ADGRD1: variants seen among roughly 807,000 people sequenced by gnomAD.
ADGRD1 encodes adhesion G protein-coupled receptor D1.
In ADGRD1, 77 loss-of-function variants were observed where a neutral mutation model predicts 113.4. That is an observed-to-expected ratio of 0.68 (90% CI 0.57 to 0.82). The LOEUF (loss-of-function observed/expected upper bound fraction) is 0.82. Ranked by LOEUF, ADGRD1 falls within the 40% of genes least tolerant of loss-of-function variation. ADGRD1 has a pLI of 0.00. For synonymous variants in ADGRD1, 474 were observed against 475.0 expected (o/e 1.00, Z 0.03); for missense variants, 1,036 against 1,139.1 (o/e 0.91, Z 1.30).
chr12:130,958,814 T>C (rs1869996787), intron 2 of ADGRD1, among the ~76,000 whole-genome samples: 1 of 147,126 alleles, frequency 6.8e-6, no homozygotes. Flanking sequence ...TAAACAGCTA[T>C]GAAAAGCGGC....
rs1217880199 is a variant in ADGRD1, at chr12:130,966,745, G to C, written c.187+199G>C. 3.5e-6 allele frequency: 2 copies of C among 578,592 alleles called. No individual in the cohort carries two copies. The highest frequency in any genetic ancestry group is 6.2e-6 in the Non-Finnish European group (2 of 322,700). 35.8% of individuals were successfully genotyped at this position (578,592 alleles called of 1,614,324 possible). ...AATCTGCTTTGAAGCCACGGTGATA[G>C]AGATGAACAAATACTTGTGTAACTT... On this transcript the variant is annotated intron_variant, in intron 3 of 24. Transcript: ENST00000261654. This position sits in a 1 kb window ranked among gnomAD's most constrained non-coding sequence, Gnocchi z 4.6.
chr12:131,028,985 C>T (rs1315863001), intron 13 of ADGRD1, among the ~76,000 whole-genome samples: 1 of 152,248 alleles, frequency 6.6e-6, no homozygotes, highest in Non-Finnish European at 1.5e-5. Flanking sequence ...CTCGGCAGTG[C>T]CGCCTCTCCC....
At chr12:131,000,154 C>T (rs1876169266) in intron 8 of ADGRD1, among the ~76,000 whole-genome samples, 1 of 152,224 alleles carries the variant, frequency 6.6e-6, no homozygotes, top group South Asian at 2.1e-4. Flanking sequence ...CGTTCCGGTG[C>T]TGGTCACTGA....
At chr12:131,097,264 C>A (rs956644955) in intron 15 of ADGRD1, among the ~76,000 whole-genome samples, 2 of 152,124 alleles carry the variant, frequency 1.3e-5, no homozygotes, top group African/African-American at 4.8e-5. Context: ...GTCTGGAAAA[C>A]AAGAGGGTGA....
Position 130,954,731 on chromosome 12 carries a change from C to T in ADGRD1, c.103+71C>T, listed in dbSNP as rs1869317172. The T allele has an allele frequency of 1.4e-6, 2 of 1,439,706 alleles. No individual in the cohort carries two copies. The highest frequency in any genetic ancestry group is 2.0e-6 in the Non-Finnish European group (2 of 1,023,004). 89.2% of individuals were successfully genotyped at this position (1,439,706 alleles called of 1,614,324 possible). A position where few individuals can be genotyped will look rare whatever the true frequency, so the allele number is the denominator to read the frequency against. On this transcript the variant is annotated intron_variant, in intron 2 of 24. Transcript: ENST00000261654. This position sits in a 1 kb window ranked among gnomAD's most constrained non-coding sequence, Gnocchi z 4.7. ...TAGTGCAGGTATCTCAGGAACAGCC[C>T]ACTTGTTCATCTCTGAGGCATCAGC...
chr12:131,000,299 T>C, intron 8 of ADGRD1, 84 bp from the exon 9 acceptor site: 1 of 1,009,424 alleles, frequency 9.9e-7, no homozygotes, highest in South Asian at 1.3e-5. Flanking sequence ...TAGAGACCCA[T>C]TGGAAGATGC....
intron 13 of ADGRD1, among the ~76,000 whole-genome samples, chr12:131,072,219 A>G (rs1378846433): frequency 1.3e-5 from 2 of 152,052 alleles, no homozygotes; most frequent in Non-Finnish European, 2.9e-5. Flanking sequence ...GGTTTCGCAG[A>G]GGAGACAGGG....
Position 131,027,769 on chromosome 12 carries a change from C to T in ADGRD1, c.1473+13429C>T, listed in dbSNP as rs1593068569. 6.6e-6 allele frequency: 1 copy of T among 152,254 alleles called. No individual in the cohort carries two copies. The highest frequency in any genetic ancestry group is 1.9e-4 in the East Asian group (1 of 5,192). The allele number at this position is 152,254 out of a possible 1,614,324, so 9.4% of individuals were successfully genotyped here. A position where few individuals can be genotyped will look rare whatever the true frequency, so the allele number is the denominator to read the frequency against. ...CTGCCAGCCATGTTTTAAAAGCAAA[C>T]GTGTTATTGGAGTATAACATGCCTG... On this transcript the variant is annotated intron_variant, in intron 13 of 24. Coordinates refer to ENST00000261654, the MANE Select transcript of ADGRD1 (RefSeq NM_198827.5). The surrounding 1 kb of genome is among the most constrained non-coding windows in gnomAD (Gnocchi z 5.1).
At chr12:130,990,357 TTAAG>T (rs1874232023) in intron 6 of ADGRD1, 1 of 152,212 alleles carries the variant, frequency 6.6e-6, no homozygotes, top group African/African-American at 2.4e-5. Context: ...GAATATCTGG[TTAAG>T]TGTGTGTTCT....
At chr12:131,115,514 A>G (rs1950444278) in intron 18 of ADGRD1, among the ~76,000 whole-genome samples, 1 of 151,824 alleles carries the variant, frequency 6.6e-6, no homozygotes, top group African/African-American at 2.4e-5. Flanking sequence ...CCATGCGCCC[A>G]TCCTCCCAGG....
chr12:131,058,838 G>T (rs1884087196), intron 13 of ADGRD1, among the ~76,000 whole-genome samples: 1 of 152,154 alleles, frequency 6.6e-6, no homozygotes, highest in African/African-American at 2.4e-5. Flanking sequence ...AATGTGTCTG[G>T]CAGTGATTTG....
At chr12:130,997,558 C>G (rs1303623590) in intron 8 of ADGRD1, among the ~76,000 whole-genome samples, 2 of 152,042 alleles carry the variant, frequency 1.3e-5, no homozygotes, top group Non-Finnish European at 2.9e-5. Flanking sequence ...CTCCTCACAT[C>G]CCAGACGGGG....
In ADGRD1 at chr12:131,136,158, C is replaced by A; in HGVS notation, c.2389C>A (p.Leu797Met). Residue 797 changes from leucine (L) to methionine (M), a missense_variant, in exon 22 of 25, where the codon CTG (leucine) becomes ATG (methionine). Transcript: ENST00000261654. ...GTACATGTTTGCCACGCTCAACTCC[C>A]TGCAGGTGAGAGCCGCGGGGACTGG... Reference protein sequence around the residue: ...FQYMFATLNSLQGLFIFLFHC... With the variant: ...FQYMFATLNSMQGLFIFLFHC... 10 of 1,614,096 alleles carry A rather than the reference C, an allele frequency of 6.2e-6. No homozygotes were observed. The highest frequency in any genetic ancestry group is 8.5e-6 in the Non-Finnish European group (10 of 1,179,998).
In ADGRD1 at chr12:131,051,632, C is replaced by T. The variant is rs375411468; in HGVS notation, c.1474-25169C>T. The stretch of plus-strand genomic sequence containing the variant: ...CTGAGTAGCTGGGATTACAGGTGCC[C>T]GCCACCACGCCAGGCGAATTTTTTT... On this transcript the variant is annotated intron_variant, in intron 13 of 24. Coordinates refer to ENST00000261654, the MANE Select transcript of ADGRD1 (RefSeq NM_198827.5). Among the ~76,000 whole-genome samples, 167 of 152,104 alleles carry T rather than the reference C, an allele frequency of 1.1e-3. 1 individual carries two copies. Among genetic ancestry groups the T allele is most frequent in the African/African-American group, 3.8e-3 (157 of 41,486 alleles).
chr12:130,981,066 C>T (rs73473232), intron 4 of ADGRD1: 11,142 of 152,236 alleles, frequency 0.073, 626 homozygotes, highest in African/African-American at 0.15. Context: ...TATCCAACTG[C>T]GGGAAATGAA....
rs1438867407 is a variant in ADGRD1, at chr12:131,027,049, G to A, written c.1473+12709G>A. ...TTTCTCGTAGGGATTGTGGCACACA[G>A]CTGTTATTTCTCTAGGATTTGCTGT... On this transcript the variant is annotated intron_variant, in intron 13 of 24. Transcript: ENST00000261654. This position sits in a 1 kb window ranked among gnomAD's most constrained non-coding sequence, Gnocchi z 5.1. The A allele has an allele frequency of 6.6e-6, 1 of 152,204 alleles. No individual in the cohort carries two copies. The highest frequency in any genetic ancestry group is 6.5e-5 in the Admixed American group (1 of 15,276). The allele number at this position is 152,204 out of a possible 1,614,324, so 9.4% of individuals were successfully genotyped here. A position where few individuals can be genotyped will look rare whatever the true frequency, so the allele number is the denominator to read the frequency against.
rs71451389 is a variant in ADGRD1, at chr12:130,955,123, C to CTTTTTTTTTTTTTTTTTTTTTTTTTTT, written c.103+476_103+477insTTTTTTTTTTTTTTTTTTTTTTTTTTT. 6.9e-4 allele frequency among the ~76,000 whole-genome samples: 69 copies of CTTTTTTTTTTTTTTTTTTTTTTTTTTT among 99,664 alleles called. 5 individuals carry two copies. Among genetic ancestry groups the CTTTTTTTTTTTTTTTTTTTTTTTTTTT allele is most frequent in the African/African-American group, 8.7e-4 (20 of 23,110 alleles). 65.4% of individuals were successfully genotyped at this position (99,664 alleles called of 152,430 possible). ...CACAGGTGTGCACCACTACACCCAG[C>CTTTTTTTTTTTTTTTTTTTTTTTTTTT]TTTTTTTTTTTTTGTATTTTTAGTA... On this transcript the variant is annotated intron_variant, in intron 2 of 24. Transcript: ENST00000261654.
chr12:131,002,728 C>T (rs771279406), intron 9 of ADGRD1: 41 of 1,248,734 alleles, frequency 3.3e-5, no homozygotes, highest in East Asian at 3.0e-4. Context: ...CTCTGGGTGC[C>T]GGCACCTCGG....
intron 8 of ADGRD1, among the ~76,000 whole-genome samples, chr12:130,993,614 C>T (rs1041392825): frequency 3.3e-5 from 5 of 152,026 alleles, no homozygotes; most frequent in African/African-American, 9.7e-5. Context: ...GCTCTGTGTC[C>T]GTGGGAAGGT....
Sources: allele counts gnomAD v4.1 joint callset (sites outside exome capture counted in the v4.1 genomes callset), GRCh38; gene constraint gnomAD v4.1.1; non-coding constraint Gnocchi (gnomAD v3.1); transcripts MANE v1.5; gene names NCBI Gene and HGNC (gene_info 2026-07-23, HGNC 2026-07-21).